Variants in UBE2W observed in about 807,000 individuals in gnomAD.
UBE2W encodes the protein ubiquitin conjugating enzyme E2 W, also known as ubiquitin-conjugating enzyme E2 W.
In UBE2W, 18 loss-of-function variants were observed where a neutral mutation model predicts 27.2. The observed-to-expected ratio is 0.66, with a 90% confidence interval of 0.46 to 0.98. UBE2W has a LOEUF of 0.98. Among genes scored for constraint, UBE2W ranks in the 50% least tolerant of loss-of-function variants. The probability of loss-of-function intolerance (pLI) is 0.00; values close to 1 mark genes in which losing one functional copy is unlikely to be tolerated. For synonymous variants in UBE2W, 53 were observed against 57.2 expected (o/e 0.93, Z 0.33); for missense variants, 90 against 180.2 (o/e 0.50, Z 2.87).
Position 73,805,657 on chromosome 8 carries a change from A to G in UBE2W, c.436T>C (p.Tyr146His). The change falls in exon 5 of 6, where the codon TAT becomes CAT. Residue 146 changes from tyrosine (Y) to histidine (H), a missense_variant. Transcript: ENST00000602593. ...NKNPKKTKWW[Y>H]HDDTC ...ACAAATTCAAACTGCTTACCATGATACCACCATTTTGTTTTCTTTGGATTC... is the reference window on the plus strand; with the variant it reads ...ACAAATTCAAACTGCTTACCATGATGCCACCATTTTGTTTTCTTTGGATTC... 1 of 1,540,384 alleles carries G rather than the reference A, an allele frequency of 6.5e-7. No homozygotes were observed. The highest frequency in any genetic ancestry group is 8.8e-7 in the Non-Finnish European group (1 of 1,137,488).
At position 73,792,569 on chromosome 8, in the gene UBE2W, C is replaced by A; in HGVS notation, c.*1533G>T. On this transcript the variant is annotated 3_prime_UTR_variant, in exon 6 of 6. Transcript: ENST00000602593. ...GGGGTACGTATTTCAAACCTTTCAG[C>A]CAACTGGCTTTCAGTTTTAAGCCCA... The A allele has an allele frequency of 1.0e-6, 1 of 985,686 alleles. No individual in the cohort carries two copies. Among genetic ancestry groups the A allele is most frequent in the Non-Finnish European group, 1.2e-6 (1 of 829,810 alleles). 61.1% of individuals were successfully genotyped at this position (985,686 alleles called of 1,614,324 possible).
intron 1 of UBE2W, among the ~76,000 whole-genome samples, chr8:73,858,017 G>A (rs1375095202): frequency 1.3e-5 from 2 of 151,936 alleles, no homozygotes; most frequent in Admixed American, 1.3e-4. Context: ...CTGAGGTCAG[G>A]TGATTGAGAC....
downstream of UBE2W, among the ~76,000 whole-genome samples, chr8:73,783,293 T>C (rs1286285668): frequency 6.6e-6 from 1 of 152,222 alleles, no homozygotes; most frequent in African/African-American, 2.4e-5. Flanking sequence ...CTTTGTCAAA[T>C]CCAAGACCTC....
In UBE2W at chr8:73,794,085, G is replaced by A; in HGVS notation, c.*17C>T. On this transcript the variant is annotated 3_prime_UTR_variant, in exon 6 of 6. Transcript: ENST00000602593. ...TCAGTAGGACTATCTTCTGCTAGGA[G>A]GATGATAACAGTGGCATCAACAAGT... is the stretch of plus-strand genomic sequence containing the variant. The A allele has an allele frequency of 9.3e-6, 15 of 1,613,348 alleles. No homozygotes were observed. The highest frequency in any genetic ancestry group is 1.2e-5 in the Non-Finnish European group (14 of 1,179,656).
exon 5 of UBE2W, chr8:73,780,420 G>A: frequency 6.8e-6 from 3 of 439,408 alleles, no homozygotes; most frequent in Non-Finnish European, 1.4e-5. Flanking sequence ...TTTCCAAATA[G>A]GGTCACAATT....
intron 1 of UBE2W, among the ~76,000 whole-genome samples, chr8:73,865,179 T>TAAAAA (rs1811698437): frequency 7.7e-5 from 1 of 12,962 alleles, no homozygotes; most frequent in South Asian, 1.7e-3. Context: ...TGTGCAAACG[T>TAAAAA]CAAAAAAAAA....
rs142689853 is a variant in UBE2W, at chr8:73,791,746, CTA to C, written c.*2354_*2355del. 0.11 allele frequency: 109,454 copies of C among 984,852 alleles called. 6,147 individuals carry two copies. Among genetic ancestry groups the C allele is most frequent in the Middle Eastern group, 0.14 (263 of 1,914 alleles). 61.0% of individuals were successfully genotyped at this position (984,852 alleles called of 1,614,324 possible). A position where few individuals can be genotyped will look rare whatever the true frequency, so the allele number is the denominator to read the frequency against. The stretch of plus-strand genomic sequence containing the variant: ...TTATGAATTTTAAATGTCTGTGCTC[CTA>C]TATTTTAGGATATTTCATCTTATTT... On this transcript the variant is annotated 3_prime_UTR_variant, in exon 6 of 6. Transcript: ENST00000602593.
intron 1 of UBE2W, among the ~76,000 whole-genome samples, chr8:73,867,809 T>C (rs1457579722): frequency 6.6e-6 from 1 of 151,892 alleles, no homozygotes; most frequent in East Asian, 1.9e-4. Context: ...TAATACATCA[T>C]TAGCCATTAG....
At chr8:73,865,879 G>C (rs1341030779) in intron 1 of UBE2W, among the ~76,000 whole-genome samples, 1 of 152,056 alleles carries the variant, frequency 6.6e-6, no homozygotes, top group Admixed American at 6.6e-5. Flanking sequence ...GGTTATACTA[G>C]ACAACACCTG....
At chr8:73,870,196 C>CT in intron 1 of UBE2W, 1 of 1,484,946 alleles carries the variant, frequency 6.7e-7, no homozygotes, top group East Asian at 2.4e-5. Flanking sequence ...TCAAAATGGA[C>CT]TTTAATAGCT....
chr8:73,857,719 G>C (rs867098521), intron 1 of UBE2W, among the ~76,000 whole-genome samples: 7 of 152,140 alleles, frequency 4.6e-5, no homozygotes, highest in South Asian at 2.1e-4. Flanking sequence ...AGGAAGCTGA[G>C]GCAGGAAAAC....
At chr8:73,878,168 C>A (rs1002777988) in intron 1 of UBE2W, among the ~76,000 whole-genome samples, 1 of 152,178 alleles carries the variant, frequency 6.6e-6, no homozygotes, top group Non-Finnish European at 1.5e-5. Flanking sequence ...AGGAAGGAGA[C>A]AGTGGACTGC....
intron 1 of UBE2W, among the ~76,000 whole-genome samples, chr8:73,862,061 C>T (rs573932943): frequency 2.0e-5 from 3 of 152,296 alleles, no homozygotes; most frequent in African/African-American, 7.2e-5. Context: ...TTACAACTTA[C>T]CCAATTTACA....
intron 1 of UBE2W, among the ~76,000 whole-genome samples, chr8:73,869,342 G>A (rs1472428755): frequency 6.6e-6 from 1 of 152,148 alleles, no homozygotes; most frequent in African/African-American, 2.4e-5. Flanking sequence ...CGGATCACAA[G>A]GTCTAGGAGT....
At chr8:73,849,214 T>C (rs1405785221) in intron 1 of UBE2W, among the ~76,000 whole-genome samples, 2 of 151,932 alleles carry the variant, frequency 1.3e-5, no homozygotes, top group East Asian at 3.9e-4. Context: ...TACAGTAACA[T>C]CTAAAAAATA....
chr8:73,837,640 G>A (rs1349031610), intron 1 of UBE2W, among the ~76,000 whole-genome samples: 1 of 152,188 alleles, frequency 6.6e-6, no homozygotes, highest in East Asian at 1.9e-4. Flanking sequence ...ACTTTGTAGA[G>A]ACAGGTTTTA....
Position 73,822,616 on chromosome 8 carries a change from A to T in UBE2W, c.210+2531T>A, listed in dbSNP as rs867227983. Among the ~76,000 whole-genome samples, 16 of 141,628 alleles carry T rather than the reference A, an allele frequency of 1.1e-4. 1 individual carries two copies. Among genetic ancestry groups the T allele is most frequent in the East Asian group, 3.9e-4 (2 of 5,066 alleles). The allele number at this position is 141,628 out of a possible 152,430, so 92.9% of individuals were successfully genotyped here. A position where few individuals can be genotyped will look rare whatever the true frequency, so the allele number is the denominator to read the frequency against. The stretch of plus-strand genomic sequence containing the variant: ...TCTTGCAACTGCAAAAAAAAAAAAA[A>T]AAAAAAAAAAAAAAAAAATTAGCTG... On this transcript the variant is annotated intron_variant, in intron 3 of 5. Coordinates refer to ENST00000602593, the MANE Select transcript of UBE2W (RefSeq NM_018299.6).
At chr8:73,831,554 G>C (rs1292413692) in intron 1 of UBE2W, 1 of 152,392 alleles carries the variant, frequency 6.6e-6, no homozygotes, top group African/African-American at 2.4e-5. Context: ...GTTTGTTGTT[G>C]TTTATTTTTT....
At chr8:73,819,173 T>C (rs1809509830) in intron 3 of UBE2W, among the ~76,000 whole-genome samples, 2 of 152,222 alleles carry the variant, frequency 1.3e-5, no homozygotes, top group African/African-American at 4.8e-5. Flanking sequence ...CAGTGAAATC[T>C]TTCCCAGTGA....
Sources: allele counts gnomAD v4.1 joint callset (sites outside exome capture counted in the v4.1 genomes callset), GRCh38; gene constraint gnomAD v4.1.1; transcripts MANE v1.5; gene names NCBI Gene and HGNC (gene_info 2026-07-23, HGNC 2026-07-21).